UBE4A: variants seen among roughly 807,000 people sequenced by gnomAD.
The protein encoded by UBE4A is ubiquitin conjugation factor E4 A.
In UBE4A, 48 loss-of-function variants were observed where a neutral mutation model predicts 117.9. The ratio of observed to expected loss-of-function variants is 0.41; its 90% CI spans 0.32 to 0.52. UBE4A has a LOEUF of 0.52. UBE4A is among the 20% of genes least tolerant of loss of function. The pLI is 0.33. For synonymous variants in UBE4A, 407 were observed against 450.0 expected (o/e 0.90, Z 1.21); for missense variants, 1,067 against 1,296.3 (o/e 0.82, Z 2.72).
intron 19 of UBE4A, 128 bp from the exon 20 acceptor site, chr11:118,396,186 C>T (rs1948870761): frequency 1.7e-6 from 2 of 1,161,118 alleles, no homozygotes; most frequent in Admixed American, 3.1e-5. Flanking sequence ...CCCAACTCGG[C>T]ATTTGACTCA....
At position 118,375,063 on chromosome 11, in the gene UBE4A, G is replaced by A. The variant is rs1475889596; in HGVS notation, c.1284G>A (p.Met428Ile). The A allele has an allele frequency of 6.2e-7, 1 of 1,614,200 alleles. No individual in the cohort carries two copies. The highest frequency in any genetic ancestry group is 8.5e-7 in the Non-Finnish European group (1 of 1,180,032). ...ANQMPEIFFQMYASDAFFLNL... is the reference protein window; with the variant it reads ...ANQMPEIFFQIYASDAFFLNL... Reference sequence around the variant, plus strand: ...AGATGCCAGAAATCTTTTTCCAAATGTATGCCTCAGATGCTTTCTTTCTGA... The same window carrying A: ...AGATGCCAGAAATCTTTTTCCAAATATATGCCTCAGATGCTTTCTTTCTGA... The change falls in exon 9 of 20, where the codon ATG becomes ATA. Residue 428 changes from methionine to isoleucine, a missense_variant. Met to Ile is a conservative substitution (Grantham distance 10). Coordinates refer to ENST00000252108, the MANE Select transcript of UBE4A (RefSeq NM_001204077.2).
chr11:118,374,874 G>A, intron 8 of UBE4A, 22 bp from the exon 9 acceptor site: 1 of 1,490,216 alleles, frequency 6.7e-7, no homozygotes. Context: ...ACGTTCTGTG[G>A]TTGTGTTTTC....
At chr11:118,395,232 G>A (rs1555129410) in intron 19 of UBE4A, among the ~76,000 whole-genome samples, 1 of 152,034 alleles carries the variant, frequency 6.6e-6, no homozygotes, top group East Asian at 1.9e-4. Flanking sequence ...GGGAGGCTGA[G>A]GCAGGAGAAT....
chr11:118,364,903 G>A (rs1948550679), intron 1 of UBE4A, 137 bp from the exon 2 acceptor site: 2 of 864,322 alleles, frequency 2.3e-6, no homozygotes, highest in Admixed American at 3.9e-5. Flanking sequence ...TGAGTTTGGG[G>A]ACAGGAATTG....
chr11:118,365,017 T>C (rs1591293350), intron 1 of UBE4A, 23 bp from the exon 2 acceptor site: 3 of 1,574,312 alleles, frequency 1.9e-6, no homozygotes, highest in Non-Finnish European at 2.6e-6. Context: ...CCCTCTTGTG[T>C]CTAATACCTG....
intron 6 of UBE4A, 40 bp downstream of exon 6, chr11:118,372,706 A>G: frequency 1.2e-6 from 2 of 1,604,190 alleles, no homozygotes; most frequent in Non-Finnish European, 1.7e-6. Context: ...CTACATTTTG[A>G]TTTTCAGATT....
chr11:118,380,345 G>C (rs1477074300), intron 11 of UBE4A, among the ~76,000 whole-genome samples: 1 of 152,030 alleles, frequency 6.6e-6, no homozygotes, highest in Non-Finnish European at 1.5e-5. Flanking sequence ...CACTTTGGGA[G>C]GCCGAAACAG....
In UBE4A at chr11:118,373,551, A is replaced by T; in HGVS notation, c.982A>T (p.Thr328Ser). The part of the protein sequence containing the change: ...DPTNGQMYQK[T>S]LLGVILSISC... The stretch of plus-strand genomic sequence containing the variant: ...TACCAATGGGCAAATGTACCAGAAG[A>T]CCTTGCTGGGAGTAATTCTGAGTAT... Residue 328 changes from threonine (T) to serine (S), a missense_variant, in exon 8 of 20, where the codon ACC (threonine) becomes TCC (serine). Around this residue, in one of 3 missense-constraint regions of UBE4A, gnomAD observed 1,001 missense variants for 1,184.0 expected, o/e 0.85. Coordinates refer to ENST00000252108, the MANE Select transcript of UBE4A (RefSeq NM_001204077.2). The T allele has an allele frequency of 6.2e-7, 1 of 1,614,036 alleles. No individual in the cohort carries two copies. The highest frequency in any genetic ancestry group is 8.5e-7 in the Non-Finnish European group (1 of 1,180,008).
intron 17 of UBE4A, 110 bp downstream of exon 17, chr11:118,390,015 A>C: frequency 8.5e-7 from 1 of 1,177,860 alleles, no homozygotes; most frequent in Non-Finnish European, 1.2e-6. Flanking sequence ...GAAATGGTTA[A>C]TTCCTAGTTG....
At chr11:118,368,914 G>A (rs1948586332) in intron 3 of UBE4A, 110 bp downstream of exon 3, 13 of 1,107,222 alleles carry the variant, frequency 1.2e-5, no homozygotes, top group Non-Finnish European at 1.7e-5. Flanking sequence ...CCTACTCACT[G>A]CACTCCCTGG....
intron 4 of UBE4A, 82 bp downstream of exon 4, chr11:118,369,617 T>G: frequency 1.0e-6 from 1 of 971,434 alleles, no homozygotes; most frequent in Non-Finnish European, 1.6e-6. Flanking sequence ...CTCCAACTTA[T>G]GCTTGTGTCC....
chr11:118,384,583 C>A, intron 13 of UBE4A, 52 bp from the exon 14 acceptor site: 1 of 1,521,466 alleles, frequency 6.6e-7, no homozygotes, highest in South Asian at 1.1e-5. Flanking sequence ...AGCATAAACT[C>A]TTCCTCTTAT....
chr11:118,388,483 T>C (rs1555127618), intron 16 of UBE4A, among the ~76,000 whole-genome samples: 1 of 151,950 alleles, frequency 6.6e-6, no homozygotes, highest in Non-Finnish European at 1.5e-5. Flanking sequence ...ACCCCGTCTA[T>C]ACTAAAATTA....
At chr11:118,388,771 T>C (rs1320752221) in intron 16 of UBE4A, among the ~76,000 whole-genome samples, 1 of 151,942 alleles carries the variant, frequency 6.6e-6, no homozygotes, top group Non-Finnish European at 1.5e-5. Context: ...ATAAATAACT[T>C]ATGGTGCAGT....
intron 16 of UBE4A, among the ~76,000 whole-genome samples, chr11:118,388,211 C>G (rs1948777021): frequency 2.6e-5 from 4 of 152,038 alleles, no homozygotes; most frequent in Admixed American, 2.6e-4. Context: ...GTGATAATGA[C>G]TAAAACTGAA....
Position 118,399,145 on chromosome 11 carries a change from C to G in UBE4A, c.*2705C>G, listed in dbSNP as rs1948902119. On this transcript the variant is annotated 3_prime_UTR_variant, in exon 20 of 20. Transcript: ENST00000252108. ...TTGAAACATTCCAGGAAGGTTACTT[C>G]TTGTCAAACTTGCCTGGCAGTGTTT... The G allele has an allele frequency of 9.2e-6, 4 of 432,832 alleles. No individual in the cohort carries two copies. The highest frequency in any genetic ancestry group is 4.7e-6 in the Non-Finnish European group (1 of 212,586). The allele number at this position is 432,832 out of a possible 1,614,324, so 26.8% of individuals were successfully genotyped here.
intron 1 of UBE4A, among the ~76,000 whole-genome samples, chr11:118,362,024 A>C (rs1948524473): frequency 6.6e-6 from 1 of 152,216 alleles, no homozygotes; most frequent in African/African-American, 2.4e-5. Context: ...AAAATGTAGA[A>C]AGCTAGTTTC....
At position 118,368,688 on chromosome 11, in the gene UBE4A, A is replaced by T. The variant is rs767121739; in HGVS notation, c.179A>T (p.Glu60Val). 1 of 1,614,216 alleles carries T rather than the reference A, an allele frequency of 6.2e-7. No individual in the cohort carries two copies. The highest frequency in any genetic ancestry group is 8.5e-7 in the Non-Finnish European group (1 of 1,180,034). ...AATAGCGTGTCAGAGAGCCTGGATG[A>T]ATTCGATTACTCTGTGGCTGAGATT... Reference protein sequence around the residue: ...SDNSVSESLDEFDYSVAEISR... With the variant: ...SDNSVSESLDVFDYSVAEISR... Residue 60 changes from glutamate (E) to valine (V), a missense_variant, in exon 3 of 20, where the codon GAA (glutamate) becomes GTA (valine). Around this residue, in one of 3 missense-constraint regions of UBE4A, gnomAD observed 1,001 missense variants for 1,184.0 expected, o/e 0.85. Coordinates refer to ENST00000252108, the MANE Select transcript of UBE4A (RefSeq NM_001204077.2).
intron 10 of UBE4A, among the ~76,000 whole-genome samples, chr11:118,377,944 C>T (rs146704897): frequency 6.7e-6 from 1 of 149,912 alleles, no homozygotes; most frequent in East Asian, 2.0e-4. Flanking sequence ...ATTACTACTC[C>T]TGGTGATAAA....
Sources: gnomAD v4.1 joint callset for allele counts (sites outside exome capture counted in the v4.1 genomes callset) on GRCh38, gnomAD v4.1.1 for gene constraint, gnomAD v4.1.1 regional missense constraint, MANE v1.5 for transcripts, NCBI Gene and HGNC (gene_info 2026-07-23, HGNC 2026-07-21) for gene names.